LIN52: variants seen among roughly 807,000 people sequenced by gnomAD.
The protein encoded by LIN52 is protein lin-52 homolog.
A neutral mutation model predicts 18.5 loss-of-function variants in LIN52; 4 were observed. The ratio of observed to expected loss-of-function variants is 0.22; its 90% confidence interval spans 0.11 to 0.49. LIN52 has a LOEUF of 0.49. Among genes scored for constraint, LIN52 ranks in the 20% least tolerant of loss-of-function variants. The pLI, the probability that LIN52 is intolerant of heterozygous loss-of-function variation, is 0.97. For missense variants in LIN52, 102 were observed against 139.5 expected, an observed-to-expected ratio of 0.73 and a Z score of 1.35; for synonymous variants, 34 against 45.5, an observed-to-expected ratio of 0.75 and a Z score of 1.02.
intron 5 of LIN52, among the ~76,000 whole-genome samples, chr14:74,122,788 C>T (rs2061007399): frequency 6.6e-6 from 1 of 152,158 alleles, no homozygotes; most frequent in Non-Finnish European, 1.5e-5. Flanking sequence ...ATTGCTTGAA[C>T]CTGGGAGGCA....
chr14:74,097,980 T>C (rs1167028674), intron 4 of LIN52, 120 bp downstream of exon 4: 3 of 674,978 alleles, frequency 4.4e-6, no homozygotes, highest in Non-Finnish European at 7.7e-6. Flanking sequence ...CATTTAAACC[T>C]CCTTATTTGT....
chr14:74,129,844 T>C (rs938478725), intron 5 of LIN52, among the ~76,000 whole-genome samples: 4 of 152,164 alleles, frequency 2.6e-5, no homozygotes, highest in East Asian at 1.9e-4. Context: ...TGAGACCCTA[T>C]GTATAGTCTG....
At chr14:74,186,725 G>T (rs1048799772) in intron 5 of LIN52, among the ~76,000 whole-genome samples, 1 of 151,892 alleles carries the variant, frequency 6.6e-6, no homozygotes, top group Non-Finnish European at 1.5e-5. Flanking sequence ...AAGGCCAGGC[G>T]TGGTGGCTCA....
intron 1 of LIN52, among the ~76,000 whole-genome samples, chr14:74,087,438 T>TA (rs2060741023): frequency 7.0e-6 from 1 of 142,378 alleles, no homozygotes; most frequent in Non-Finnish European, 1.5e-5. Context: ...AAAAAAAAAT[T>TA]AAATTTTTTT....
intron 5 of LIN52, among the ~76,000 whole-genome samples, chr14:74,163,821 T>G (rs2061236591): frequency 6.6e-6 from 1 of 152,048 alleles, no homozygotes; most frequent in Non-Finnish European, 1.5e-5. Context: ...AAGGAGGAGA[T>G]GGCTTAAATA....
intron 5 of LIN52, among the ~76,000 whole-genome samples, chr14:74,140,895 AT>A (rs940530633): frequency 1.3e-5 from 2 of 151,474 alleles, no homozygotes; most frequent in Non-Finnish European, 2.9e-5. Context: ...CAAGTGCCTT[AT>A]TTTTTTTCTG....
At chr14:74,184,372 A>G (rs543563915) in intron 5 of LIN52, among the ~76,000 whole-genome samples, 4 of 152,342 alleles carry the variant, frequency 2.6e-5, no homozygotes, top group African/African-American at 9.6e-5. Context: ...CGGCCCCCAC[A>G]TTTTAAGTTT....
intron 5 of LIN52, among the ~76,000 whole-genome samples, chr14:74,103,340 A>G (rs1385402014): frequency 6.6e-6 from 1 of 152,020 alleles, no homozygotes; most frequent in Non-Finnish European, 1.5e-5. Context: ...TGGCCTCCCA[A>G]AGTGCTGAGA....
At chr14:74,157,700 C>A (rs1386727131) in intron 5 of LIN52, among the ~76,000 whole-genome samples, 2 of 151,894 alleles carry the variant, frequency 1.3e-5, no homozygotes, top group African/African-American at 4.8e-5. Flanking sequence ...CAGGGATGAG[C>A]CACCGTGCTC....
intron 5 of LIN52, among the ~76,000 whole-genome samples, chr14:74,136,015 T>A (rs1427943721): frequency 2.6e-5 from 4 of 152,212 alleles, no homozygotes; most frequent in Non-Finnish European, 4.4e-5. Context: ...CTAATGGTAT[T>A]CCTCATGGAG....
intron 5 of LIN52, among the ~76,000 whole-genome samples, chr14:74,110,416 C>A (rs574859162): frequency 1.3e-5 from 2 of 152,150 alleles, no homozygotes; most frequent in Non-Finnish European, 2.9e-5. Context: ...TGGTGGCTCA[C>A]GCTTGTAATC....
chr14:74,129,256 A>C lies in LIN52; in HGVS notation c.283+28018A>C, dbSNP rs191113936. Among the ~76,000 whole-genome samples, 664 of 152,312 alleles carry C rather than the reference A, an allele frequency of 4.4e-3. 5 individuals carry two copies. The highest frequency in any genetic ancestry group is 0.015 in the African/African-American group (632 of 41,574). ...AGTGGAGTCAGAGTTTAGTTGCTTT[A>C]GGATGATAGACTTAATATATATTTA... On this transcript the variant is annotated intron_variant, in intron 5 of 5. Transcript: ENST00000555028.
Position 74,101,145 on chromosome 14 carries a change from T to C in LIN52, c.200-10T>C. On this transcript the variant is annotated splice_polypyrimidine_tract_variant and intron_variant, in intron 4 of 5. Transcript: ENST00000555028. The stretch of plus-strand genomic sequence containing the variant: ...AAGAAATGATGTTGAAATAAATGAT[T>C]CTGTTTCAGAACTGGGGAGTCTCAC... The C allele has an allele frequency of 6.2e-7, 1 of 1,607,646 alleles. No homozygotes were observed. Among genetic ancestry groups the C allele is most frequent in the Non-Finnish European group, 8.5e-7 (1 of 1,176,222 alleles).
At chr14:74,165,611 C>T (rs571039089) in intron 5 of LIN52, among the ~76,000 whole-genome samples, 4 of 150,344 alleles carry the variant, frequency 2.7e-5, no homozygotes, top group Non-Finnish European at 5.9e-5. Flanking sequence ...AGGGTTCAAG[C>T]GATTCTCCTG....
intron 5 of LIN52, among the ~76,000 whole-genome samples, chr14:74,175,020 A>AAATAATAATAATAATAAT (rs141936961): frequency 0.49 from 69,382 of 140,590 alleles, 18,074 homozygotes; most frequent in East Asian, 0.59. Flanking sequence ...GACTCAAAGA[A>AAATAATAATAATAATAAT]AATAATAATA....
intron 5 of LIN52, chr14:74,174,856 A>T (rs2061285620): frequency 6.6e-6 from 1 of 151,816 alleles, no homozygotes; most frequent in African/African-American, 2.4e-5. Context: ...CAAATTAAAA[A>T]ATTAGCCAGG....
intron 5 of LIN52, among the ~76,000 whole-genome samples, chr14:74,125,837 A>G (rs974984739): frequency 2.2e-5 from 3 of 138,926 alleles, no homozygotes; most frequent in African/African-American, 5.4e-5. Flanking sequence ...GAATTGAACA[A>G]TGAGAACACA....
At chr14:74,128,932 ACT>A (rs1249978963) in intron 5 of LIN52, among the ~76,000 whole-genome samples, 1 of 152,100 alleles carries the variant, frequency 6.6e-6, no homozygotes, top group Admixed American at 6.6e-5. Flanking sequence ...ACAGAGCAAG[ACT>A]CTGTCTAAAA....
At chr14:74,158,798 G>T (rs2061211945) in intron 5 of LIN52, among the ~76,000 whole-genome samples, 1 of 152,184 alleles carries the variant, frequency 6.6e-6, no homozygotes, top group South Asian at 2.1e-4. Flanking sequence ...TATTTCTAGA[G>T]ATCAGAAATC....
Sources: gnomAD v4.1 joint callset for allele counts (sites outside exome capture counted in the v4.1 genomes callset) on GRCh38, gnomAD v4.1.1 for gene constraint, MANE v1.5 for transcripts, NCBI Gene and HGNC (gene_info 2026-07-23, HGNC 2026-07-21) for gene names.